Variants in AFG1L observed in about 807,000 individuals in gnomAD.
AFG1L encodes AFG1-like ATPase.
In AFG1L, 53 loss-of-function variants were observed where a neutral mutation model predicts 62.2. The ratio of observed to expected loss-of-function variants is 0.85; its 90% CI spans 0.68 to 1.07. The LOEUF is 1.07. AFG1L is among the 50% of genes least tolerant of loss of function. The pLI, the probability that AFG1L is intolerant of heterozygous loss-of-function variation, is 0.00. For synonymous variants in AFG1L, 228 were observed against 210.3 expected (o/e 1.08, Z -0.73); for missense variants, 555 against 590.5 (o/e 0.94, Z 0.62).
intron 1 of AFG1L, among the ~76,000 whole-genome samples, chr6:108,312,789 G>C (rs1227542358): frequency 6.6e-6 from 1 of 151,770 alleles, no homozygotes; most frequent in South Asian, 2.1e-4. Context: ...TTGTGAGGTA[G>C]AGTCTCACTC....
chr6:108,462,453 G>A (rs1772499934), intron 8 of AFG1L, among the ~76,000 whole-genome samples: 1 of 152,088 alleles, frequency 6.6e-6, no homozygotes, highest in African/African-American at 2.4e-5. Flanking sequence ...TGTACATTTG[G>A]TATAATTTAG....
At chr6:108,466,063 C>T (rs1220246228) in intron 8 of AFG1L, among the ~76,000 whole-genome samples, 1 of 152,068 alleles carries the variant, frequency 6.6e-6, no homozygotes, top group Non-Finnish European at 1.5e-5. Context: ...ATGCCCAATC[C>T]TTGTTAAAAA....
At chr6:108,380,530 G>A (rs1449470536) in intron 6 of AFG1L, among the ~76,000 whole-genome samples, 1 of 152,170 alleles carries the variant, frequency 6.6e-6, no homozygotes, top group Non-Finnish European at 1.5e-5. Context: ...ACAGGGGAGA[G>A]CACAATTCCA....
intron 7 of AFG1L, among the ~76,000 whole-genome samples, chr6:108,402,420 C>T (rs570046039): frequency 6.2e-5 from 9 of 145,914 alleles, no homozygotes; most frequent in African/African-American, 1.8e-4. Context: ...GCCGAGATCA[C>T]GCCACTACAC....
In AFG1L at chr6:108,323,784, T is replaced by A. The variant is rs1433214114; in HGVS notation, c.140-41T>A. On this transcript the variant is annotated intron_variant, in intron 1 of 12. Coordinates refer to ENST00000368977, the MANE Select transcript of AFG1L (RefSeq NM_145315.5). ...AGAAATGTGTAGAGCACTGTGAAAATGTATTTAAGAAAGTCTAAAATTTTA... is the reference window on the plus strand; with the variant it reads ...AGAAATGTGTAGAGCACTGTGAAAAAGTATTTAAGAAAGTCTAAAATTTTA... The A allele has an allele frequency of 2.8e-6, 4 of 1,440,300 alleles. No homozygotes were observed. The Admixed American group carries it at 6.9e-5, about 25-fold the overall frequency. 89.2% of individuals were successfully genotyped at this position (1,440,300 alleles called of 1,614,324 possible). A position where few individuals can be genotyped will look rare whatever the true frequency, so the allele number is the denominator to read the frequency against.
At chr6:108,452,724 T>C (rs1772103781) in intron 8 of AFG1L, among the ~76,000 whole-genome samples, 1 of 152,296 alleles carries the variant, frequency 6.6e-6, no homozygotes, top group South Asian at 2.1e-4. Flanking sequence ...CAGATAGCAG[T>C]ATGAGCATTA....
At position 108,416,099 on chromosome 6, in the gene AFG1L, A is replaced by C. The variant is rs1420154191; in HGVS notation, c.807+14045A>C. 2.6e-5 allele frequency among the ~76,000 whole-genome samples: 4 copies of C among 152,352 alleles called. 1 individual carries two copies. In the East Asian group the frequency reaches 7.7e-4, roughly 29 times the overall value. Reference sequence around the variant, plus strand: ...AGAAAAAGTCAAACAACCCCATCAAAAAGTGGGTGAAGGATATGAACAGAC... The same window carrying C: ...AGAAAAAGTCAAACAACCCCATCAACAAGTGGGTGAAGGATATGAACAGAC... On this transcript the variant is annotated intron_variant, in intron 7 of 12. Transcript: ENST00000368977.
At chr6:108,497,179 C>T (rs994999485) in intron 10 of AFG1L, among the ~76,000 whole-genome samples, 1 of 152,138 alleles carries the variant, frequency 6.6e-6, no homozygotes, top group African/African-American at 2.4e-5. Context: ...TTTTCAGGAA[C>T]AACTAAACTG....
In AFG1L at chr6:108,485,892, G is replaced by C. The variant is rs139714578; in HGVS notation, c.1062+8600G>C. On this transcript the variant is annotated intron_variant, in intron 10 of 12. Transcript: ENST00000368977. ...TTGCCGTGTTGCCCAGGCTGGTCTC[G>C]AACTCCTGGCCTCAAGCAATCCACC... is the stretch of plus-strand genomic sequence containing the variant. 9.5e-3 allele frequency among the ~76,000 whole-genome samples: 1,435 copies of C among 150,338 alleles called. 17 individuals carry two copies. Among genetic ancestry groups the C allele is most frequent in the African/African-American group, 0.033 (1,357 of 40,940 alleles).
chr6:108,300,307 G>T (rs1224904047), intron 1 of AFG1L, among the ~76,000 whole-genome samples: 1 of 151,914 alleles, frequency 6.6e-6, no homozygotes, highest in East Asian at 1.9e-4. Flanking sequence ...TGCCACCACT[G>T]CCCAGCTAAT....
intron 6 of AFG1L, among the ~76,000 whole-genome samples, chr6:108,394,244 T>C (rs1275979178): frequency 2.0e-5 from 3 of 151,344 alleles, no homozygotes; most frequent in Non-Finnish European, 2.9e-5. Context: ...GCCTCCTGAG[T>C]TCAAGTGATT....
At chr6:108,505,586 T>A (rs925491170) in intron 10 of AFG1L, among the ~76,000 whole-genome samples, 10 of 151,906 alleles carry the variant, frequency 6.6e-5, no homozygotes, top group Non-Finnish European at 1.0e-4. Context: ...GAACTTTTTT[T>A]AAAAAAAAGT....
chr6:108,499,366 G>A (rs1442443588), intron 10 of AFG1L, among the ~76,000 whole-genome samples: 1 of 151,814 alleles, frequency 6.6e-6, no homozygotes, highest in Non-Finnish European at 1.5e-5. Context: ...ACCATGCCCA[G>A]CCCATAAACA....
chr6:108,440,449 G>A (rs556722019), intron 7 of AFG1L, among the ~76,000 whole-genome samples: 30 of 152,090 alleles, frequency 2.0e-4, no homozygotes, highest in Non-Finnish European at 3.4e-4. Context: ...GATTACAGGC[G>A]TGAGCCACAG....
intron 2 of AFG1L, among the ~76,000 whole-genome samples, chr6:108,343,016 T>G (rs2114399408): frequency 6.6e-6 from 1 of 152,018 alleles, no homozygotes; most frequent in South Asian, 2.1e-4. Context: ...TAAAATATAT[T>G]GAGTTGAGAG....
At chr6:108,413,720 C>T (rs1252474309) in intron 7 of AFG1L, among the ~76,000 whole-genome samples, 14 of 151,944 alleles carry the variant, frequency 9.2e-5, no homozygotes, top group Non-Finnish European at 1.5e-4. Context: ...TTGAAACCAA[C>T]GAGAACAAAG....
At chr6:108,516,109 C>G (rs1189437095) in intron 11 of AFG1L, among the ~76,000 whole-genome samples, 2 of 152,130 alleles carry the variant, frequency 1.3e-5, no homozygotes, top group Non-Finnish European at 2.9e-5. Context: ...TGAAACTATT[C>G]CAATCAATAG....
chr6:108,364,121 G>A (rs796174934), intron 5 of AFG1L, among the ~76,000 whole-genome samples: 14 of 152,196 alleles, frequency 9.2e-5, no homozygotes, highest in African/African-American at 2.6e-4. Flanking sequence ...TCTTTTGTTC[G>A]TGGTGGTAAT....
chr6:108,365,055 T>C (rs1779698569), intron 5 of AFG1L, among the ~76,000 whole-genome samples: 1 of 152,190 alleles, frequency 6.6e-6, no homozygotes, highest in Admixed American at 6.5e-5. Flanking sequence ...TCACCAATTT[T>C]TATGTCCTCT....
Sources: gnomAD v4.1 joint callset for allele counts (sites outside exome capture counted in the v4.1 genomes callset) on GRCh38, gnomAD v4.1.1 for gene constraint, MANE v1.5 for transcripts, NCBI Gene and HGNC (gene_info 2026-07-23, HGNC 2026-07-21) for gene names.